UBXN11: variants seen among roughly 807,000 people sequenced by gnomAD.
UBXN11 encodes UBX domain-containing protein 11.
UBXN11 carries 47 observed loss-of-function variants against 62.8 expected under a neutral mutation model. That is an observed-to-expected ratio of 0.75 (90% confidence interval 0.59 to 0.95). The LOEUF (loss-of-function observed/expected upper bound fraction) is 0.95. UBXN11 is among the 40% of genes least tolerant of loss of function. UBXN11 has a pLI of 0.00. For missense variants in UBXN11, 638 were observed against 661.7 expected, an observed-to-expected ratio of 0.96 and a Z score of 0.39; for synonymous variants, 294 against 267.0, an observed-to-expected ratio of 1.10 and a Z score of -0.99.
intron 8 of UBXN11, among the ~76,000 whole-genome samples, chr1:26,293,724 CAAAAAAAA>C (rs1163207554): frequency 1.1e-4 from 3 of 26,942 alleles, no homozygotes; most frequent in African/African-American, 1.6e-4. Flanking sequence ...GACTCCGTCT[CAAAAAAAA>C]AAAAAAAAAA....
chr1:26,287,498 TACAAC>T (rs139852376), intron 8 of UBXN11, among the ~76,000 whole-genome samples: 2,623 of 152,102 alleles, frequency 0.017, 78 homozygotes, highest in African/African-American at 0.059. Context: ...GGGTGTGCCC[TACAAC>T]ACACCAATAA....
At chr1:26,316,670 T>C (rs2073797952) in intron 1 of UBXN11, among the ~76,000 whole-genome samples, 2 of 152,090 alleles carry the variant, frequency 1.3e-5, no homozygotes, top group Admixed American at 6.6e-5. Flanking sequence ...ACCAGTCAAA[T>C]GGGGATAAAC....
At chr1:26,297,296 C>G in intron 6 of UBXN11, 131 bp downstream of exon 6, 2 of 1,115,896 alleles carry the variant, frequency 1.8e-6, no homozygotes, top group Non-Finnish European at 2.5e-6. Context: ...GTGGGCTCAG[C>G]TGTCCAGACC....
chr1:26,290,863 C>G (rs1009395250), intron 8 of UBXN11, among the ~76,000 whole-genome samples: 2 of 152,016 alleles, frequency 1.3e-5, no homozygotes, highest in African/African-American at 4.8e-5. Context: ...GAAGGGAGAA[C>G]TTCAGAGCTG....
chr1:26,301,751 A>G (rs1159655109), intron 2 of UBXN11, 29 bp from the exon 3 acceptor site: 1 of 1,613,458 alleles, frequency 6.2e-7, no homozygotes, highest in Admixed American at 1.7e-5. Flanking sequence ...AGAAGGAAGA[A>G]ATATAAGTTA....
chr1:26,306,828 G>GGGGGGGGGGT (rs201507060), upstream of UBXN11: 7 of 71,358 alleles, frequency 9.8e-5, no homozygotes, highest in Non-Finnish European at 1.5e-4. Flanking sequence ...CCGGGGCGGG[G>GGGGGGGGGGT]TGGGGGGGGG....
rs950659266 is a variant in UBXN11, at chr1:26,284,455, G to A, written c.880C>T (p.Leu294=). ...GGGAAGGGGTCCAGTCCATCCTCCAGGTAGACCTGATTGCGCAAGTCACTC... is the reference window on the plus strand; with the variant it reads ...GGGAAGGGGTCCAGTCCATCCTCCAAGTAGACCTGATTGCGCAAGTCACTC... ...KVSDLRNQVY[L]EDGLDPFPGE... is the part of the protein sequence containing the mutation. Residue 294 remains leucine, a synonymous_variant, in exon 11 of 15, where the codon CTG becomes TTG. Transcript: ENST00000374222. 2.5e-6 allele frequency: 4 copies of A among 1,608,482 alleles called. No individual in the cohort carries two copies. In the African/African-American group the frequency reaches 5.3e-5, roughly 22 times the overall value.
At chr1:26,298,106 G>C in intron 4 of UBXN11, 44 bp from the exon 5 acceptor site, 3 of 1,586,866 alleles carry the variant, frequency 1.9e-6, no homozygotes, top group Middle Eastern at 1.7e-4. Context: ...CTAGAGCCGA[G>C]GCTGAGTTGT....
At position 26,285,551 on chromosome 1, in the gene UBXN11, A is replaced by C. The variant is rs11247898; in HGVS notation, c.775-10T>G. 6.4e-7 allele frequency: 1 copy of C among 1,563,136 alleles called. No individual in the cohort carries two copies. Among genetic ancestry groups the C allele is most frequent in the South Asian group, 1.2e-5 (1 of 84,988 alleles). ...TGTCTCGGAGGCAGCGCTGCAAGGG[A>C]AGAGGAAAAGTGAGGGGGTGGCCTG... On this transcript the variant is annotated splice_polypyrimidine_tract_variant and intron_variant, in intron 9 of 14. Coordinates refer to ENST00000374222, the MANE Select transcript of UBXN11 (RefSeq NM_001389556.1).
upstream of UBXN11, among the ~76,000 whole-genome samples, chr1:26,310,952 T>C (rs1353948206): frequency 6.6e-6 from 1 of 152,020 alleles, no homozygotes; most frequent in East Asian, 1.9e-4. Context: ...TCTGGACTTC[T>C]GAGATGGGGT....
chr1:26,289,177 G>A (rs1047860635), intron 8 of UBXN11, among the ~76,000 whole-genome samples: 4 of 152,156 alleles, frequency 2.6e-5, no homozygotes, highest in African/African-American at 9.7e-5. Context: ...TGTAACCCTG[G>A]GCCTCTATGG....
At chr1:26,312,169 GA>G (rs2073750344) in intron 1 of UBXN11, among the ~76,000 whole-genome samples, 1 of 151,946 alleles carries the variant, frequency 6.6e-6, no homozygotes, top group South Asian at 2.1e-4. Context: ...CCTCCCCCAT[GA>G]AATCATCTCT....
At chr1:26,307,937 A>G (rs564969851), upstream of UBXN11, among the ~76,000 whole-genome samples, 17 of 152,198 alleles carry the variant, frequency 1.1e-4, no homozygotes, top group South Asian at 3.5e-3. Flanking sequence ...GAGAGCTACT[A>G]CTACTGAGTG....
At chr1:26,298,191 G>T in intron 4 of UBXN11, 129 bp from the exon 5 acceptor site, 1 of 883,702 alleles carries the variant, frequency 1.1e-6, no homozygotes. Flanking sequence ...TGGCATCATA[G>T]GAACTGTTCT....
intron 8 of UBXN11, among the ~76,000 whole-genome samples, chr1:26,286,904 G>A (rs1027106434): frequency 2.0e-5 from 3 of 152,070 alleles, no homozygotes; most frequent in African/African-American, 7.3e-5. Flanking sequence ...TCATCATATT[G>A]GTCAGGCTGG....
chr1:26,290,639 G>A (rs866459159), intron 8 of UBXN11, among the ~76,000 whole-genome samples: 13 of 152,122 alleles, frequency 8.5e-5, no homozygotes, highest in African/African-American at 3.1e-4. Flanking sequence ...GCGGAGTCAG[G>A]GGGCCTCCAA....
intron 8 of UBXN11, among the ~76,000 whole-genome samples, chr1:26,288,254 G>A (rs1487091648): frequency 1.3e-5 from 2 of 152,082 alleles, no homozygotes; most frequent in East Asian, 1.9e-4. Flanking sequence ...TCCCAGGGCC[G>A]GGGGTTTTTC....
intron 1 of UBXN11, among the ~76,000 whole-genome samples, chr1:26,305,812 T>C (rs2073653941): frequency 6.6e-6 from 1 of 152,180 alleles, no homozygotes; most frequent in South Asian, 2.1e-4. Flanking sequence ...TACGCCATCT[T>C]GCCTCTTACA....
intron 12 of UBXN11, among the ~76,000 whole-genome samples, chr1:26,283,393 G>A (rs1387993826): frequency 6.6e-6 from 1 of 152,228 alleles, no homozygotes; most frequent in East Asian, 1.9e-4. Flanking sequence ...AGCATTATGT[G>A]TGGCTGAAGC....
Sources: gnomAD v4.1 joint callset for allele counts (sites outside exome capture counted in the v4.1 genomes callset) on GRCh38, gnomAD v4.1.1 for gene constraint, MANE v1.5 for transcripts, NCBI Gene and HGNC (gene_info 2026-07-23, HGNC 2026-07-21) for gene names.